Variants in LRMDA observed in about 807,000 individuals in gnomAD.
LRMDA encodes leucine rich melanocyte differentiation associated, also known as leucine-rich melanocyte differentiation-associated protein.
LRMDA carries 18 observed loss-of-function variants against 29.8 expected under a neutral mutation model. That is an observed-to-expected ratio of 0.60 (90% CI 0.42 to 0.90). The LOEUF (loss-of-function observed/expected upper bound fraction) is 0.90. LRMDA is among the 40% of genes least tolerant of loss of function. LRMDA has a pLI of 0.00. For synonymous variants in LRMDA, 125 were observed against 109.4 expected, an observed-to-expected ratio of 1.14 and a Z score of -0.89; for missense variants, 273 against 273.9, an observed-to-expected ratio of 1.00 and a Z score of 0.02.
intron 6 of LRMDA, among the ~76,000 whole-genome samples, chr10:76,408,267 C>A (rs530945524): frequency 1.8e-4 from 28 of 152,254 alleles, no homozygotes; most frequent in African/African-American, 6.0e-4. Context: ...ACAGAGAGCA[C>A]CAGGTACTAG....
intron 2 of LRMDA, among the ~76,000 whole-genome samples, chr10:75,542,899 C>T (rs548763437): frequency 6.6e-6 from 1 of 152,310 alleles, no homozygotes; most frequent in South Asian, 2.1e-4. Flanking sequence ...CACTGTCCGG[C>T]GCAGCCTGCC....
At chr10:76,314,948 T>G (rs1457717627) in intron 5 of LRMDA, among the ~76,000 whole-genome samples, 2 of 152,246 alleles carry the variant, frequency 1.3e-5, no homozygotes, top group Non-Finnish European at 2.9e-5. Context: ...AGTTGATTCA[T>G]ATCTCACTAC....
At chr10:75,878,478 A>G (rs1420480471) in intron 2 of LRMDA, among the ~76,000 whole-genome samples, 1 of 151,426 alleles carries the variant, frequency 6.6e-6, no homozygotes, top group East Asian at 1.9e-4. Flanking sequence ...ATTCTGCGTC[A>G]TCCCGCCTCA....
chr10:76,243,620 A>G (rs1669167399), intron 5 of LRMDA, among the ~76,000 whole-genome samples: 1 of 152,158 alleles, frequency 6.6e-6, no homozygotes, highest in Admixed American at 6.5e-5. Flanking sequence ...TTTCTGGATA[A>G]CAAATTCAGG....
intron 6 of LRMDA, among the ~76,000 whole-genome samples, chr10:76,475,911 G>T (rs553349857): frequency 2.6e-5 from 4 of 152,112 alleles, no homozygotes; most frequent in African/African-American, 9.6e-5. Context: ...TGTGTAGAGG[G>T]AAATTTATAG....
At chr10:76,021,043 C>CA (rs1234660469) in intron 2 of LRMDA, among the ~76,000 whole-genome samples, 12 of 152,164 alleles carry the variant, frequency 7.9e-5, no homozygotes, top group African/African-American at 2.9e-4. Flanking sequence ...TAGTAGGATG[C>CA]AAAGAGATAT....
At chr10:75,952,300 TA>T (rs1396690744) in intron 2 of LRMDA, among the ~76,000 whole-genome samples, 1 of 152,214 alleles carries the variant, frequency 6.6e-6, no homozygotes, top group Admixed American at 6.5e-5. Flanking sequence ...TGATTGGCAG[TA>T]CAGTTAAGTT....
intron 2 of LRMDA, among the ~76,000 whole-genome samples, chr10:75,979,051 TACCC>T (rs1490819272): frequency 5.3e-5 from 8 of 152,186 alleles, no homozygotes; most frequent in African/African-American, 1.9e-4. Context: ...TTAATAATAG[TACCC>T]ATCTCACAGA....
chr10:76,525,045 C>T (rs1056807703), intron 6 of LRMDA, among the ~76,000 whole-genome samples: 1 of 152,104 alleles, frequency 6.6e-6, no homozygotes, highest in African/African-American at 2.4e-5. Context: ...TCTGAGGGCA[C>T]ATTCAATGGC....
intron 2 of LRMDA, among the ~76,000 whole-genome samples, chr10:75,978,955 C>A (rs1403714033): frequency 3.3e-5 from 5 of 152,096 alleles, no homozygotes; most frequent in African/African-American, 1.2e-4. Flanking sequence ...GGTCCTGGGG[C>A]CTGAGTTTGA....
At chr10:75,890,312 C>A (rs1845462988) in intron 2 of LRMDA, among the ~76,000 whole-genome samples, 1 of 152,136 alleles carries the variant, frequency 6.6e-6, no homozygotes, top group South Asian at 2.1e-4. Flanking sequence ...TGAATTCTCT[C>A]TCTATATATG....
chr10:75,799,579 A>G (rs1308497759), intron 2 of LRMDA, among the ~76,000 whole-genome samples: 1 of 150,980 alleles, frequency 6.6e-6, no homozygotes, highest in African/African-American at 2.4e-5. Flanking sequence ...CAGTGGTGCA[A>G]TCTCGGCTCA....
intron 6 of LRMDA, among the ~76,000 whole-genome samples, chr10:76,409,079 A>G (rs1841931647): frequency 6.6e-6 from 1 of 152,170 alleles, no homozygotes. Context: ...ACTTTCTTTC[A>G]GTTTACCACT....
At chr10:76,063,739 C>T (rs539881998) in intron 5 of LRMDA, among the ~76,000 whole-genome samples, 1 of 152,254 alleles carries the variant, frequency 6.6e-6, no homozygotes, top group South Asian at 2.1e-4. Context: ...TCACCTGCTC[C>T]CACAAATACC....
intron 2 of LRMDA, among the ~76,000 whole-genome samples, chr10:76,031,718 C>A (rs538394674): frequency 1.3e-5 from 2 of 152,232 alleles, no homozygotes; most frequent in Admixed American, 6.5e-5. Context: ...ATGGCCACAC[C>A]ATTTTCTCAA....
At chr10:75,590,979 T>C (rs1428850576) in intron 2 of LRMDA, among the ~76,000 whole-genome samples, 1 of 152,016 alleles carries the variant, frequency 6.6e-6, no homozygotes, top group East Asian at 1.9e-4. Flanking sequence ...CTTGACCATG[T>C]GATCTGCCCA....
At chr10:76,028,830 T>C (rs1199886676) in intron 2 of LRMDA, among the ~76,000 whole-genome samples, 2 of 151,004 alleles carry the variant, frequency 1.3e-5, no homozygotes, top group Non-Finnish European at 1.5e-5. Context: ...TTTTTTTTTT[T>C]TTTTTTGAGC....
Position 75,948,285 on chromosome 10 carries a change from A to G in LRMDA, c.132-87723A>G, listed in dbSNP as rs566934507. On this transcript the variant is annotated intron_variant, in intron 2 of 6. Coordinates refer to ENST00000611255, the MANE Select transcript of LRMDA (RefSeq NM_001305581.2). ...ATCAGAGAATCCCAGCCAAGTTCCA[A>G]TTGCCCTGTGATAATGCAGTACTTT... Among the ~76,000 whole-genome samples, 13 of 152,272 alleles carry G rather than the reference A, an allele frequency of 8.5e-5. No individual in the cohort carries two copies. In the East Asian group the frequency reaches 9.7e-4, roughly 11 times the overall value.
intron 6 of LRMDA, among the ~76,000 whole-genome samples, chr10:76,544,496 C>G (rs1319610480): frequency 5.9e-5 from 9 of 152,078 alleles, no homozygotes; most frequent in Admixed American, 5.9e-4. Context: ...GCTGGAGAGG[C>G]TCTGGTGCCT....
Sources: gnomAD v4.1 joint callset for allele counts (sites outside exome capture counted in the v4.1 genomes callset) on GRCh38, gnomAD v4.1.1 for gene constraint, MANE v1.5 for transcripts, NCBI Gene and HGNC (gene_info 2026-07-23, HGNC 2026-07-21) for gene names.